The following SNX9 variants were observed in gnomAD, a reference collection of about 807,000 sequenced individuals.
SNX9 encodes the protein sorting nexin-9.
Under a neutral mutation model 89.4 loss-of-function variants are expected in SNX9, and 44 were observed. The observed-to-expected ratio is 0.49, with a 90% confidence interval of 0.39 to 0.63. The LOEUF is 0.63. Ranked by LOEUF, SNX9 falls within the 30% of genes least tolerant of loss-of-function variation. The probability of loss-of-function intolerance (pLI) is 0.00; values close to 1 mark genes in which losing one functional copy is unlikely to be tolerated. For synonymous variants in SNX9, 236 were observed against 247.8 expected (o/e 0.95, Z 0.45); for missense variants, 578 against 736.1 (o/e 0.79, Z 2.49).
At position 157,845,624 on chromosome 6, in the gene SNX9, A is replaced by G. The variant is rs531775897; in HGVS notation, c.13-21923A>G. 4.6e-5 allele frequency among the ~76,000 whole-genome samples: 7 copies of G among 152,344 alleles called. No homozygotes were observed. The South Asian group carries it at 1.0e-3, about 23-fold the overall frequency. ...ATGGTGGGGTCAGAATTTCCTGTGT[A>G]TACTAGAGAGTATCCTGCAAAATGC... On this transcript the variant is annotated intron_variant, in intron 1 of 17. Transcript: ENST00000392185.
chr6:157,862,942 G>C (rs1198555953), intron 1 of SNX9, among the ~76,000 whole-genome samples: 3 of 152,142 alleles, frequency 2.0e-5, no homozygotes, highest in African/African-American at 2.4e-5. Context: ...AGATACATTG[G>C]CTCCAGTAAC....
chr6:157,862,677 G>T (rs1278767353), intron 1 of SNX9, among the ~76,000 whole-genome samples: 1 of 151,988 alleles, frequency 6.6e-6, no homozygotes, highest in Admixed American at 6.6e-5. Context: ...TATTGCCAGG[G>T]TTTTGTGAAT....
rs539365677 is a variant in SNX9 at position 157,930,348 on chromosome 6, T to C, written c.1288+1646T>C. ...TATAGAATTAGCCCTGAGAAAATAA[T>C]GTATACAAATGCAGCATCTAGAAAA... On this transcript the variant is annotated intron_variant, in intron 12 of 17. Coordinates refer to ENST00000392185, the MANE Select transcript of SNX9 (RefSeq NM_016224.5). Among the ~76,000 whole-genome samples, 40 of 152,266 alleles carry C rather than the reference T, an allele frequency of 2.6e-4. 1 individual carries two copies. The South Asian group carries it at 7.9e-3, about 30-fold the overall frequency.
intron 15 of SNX9, 115 bp downstream of exon 15, chr6:157,937,638 C>T: frequency 1.4e-6 from 1 of 725,554 alleles, no homozygotes; most frequent in South Asian, 2.0e-5. Context: ...ATCTATAATT[C>T]CCATTAGAAA....
At chr6:157,936,171 T>A (rs993303236) in intron 14 of SNX9, 131 bp downstream of exon 14, 26 of 634,204 alleles carry the variant, frequency 4.1e-5, no homozygotes, top group Non-Finnish European at 6.3e-5. Context: ...GTATCTTTTT[T>A]AATTGTGTTT....
At chr6:157,856,179 G>A (rs1782008099) in intron 1 of SNX9, among the ~76,000 whole-genome samples, 1 of 152,210 alleles carries the variant, frequency 6.6e-6, no homozygotes, top group Non-Finnish European at 1.5e-5. Context: ...CTCCTCTACT[G>A]CAAGAGTATT....
chr6:157,852,027 T>C (rs1468332471), intron 1 of SNX9, among the ~76,000 whole-genome samples: 1 of 152,252 alleles, frequency 6.6e-6, no homozygotes, highest in South Asian at 2.1e-4. Context: ...CATCCGTTGA[T>C]GGACATTTGA....
In SNX9 at chr6:157,936,011, G is replaced by A. The variant is rs758003397; in HGVS notation, c.1414G>A (p.Glu472Lys). 1.2e-6 allele frequency: 2 copies of A among 1,612,630 alleles called. No individual in the cohort carries two copies. The highest frequency in any genetic ancestry group is 2.2e-5 in the East Asian group (1 of 44,826). Residue 472 changes from glutamate to lysine, a missense_variant, in exon 14 of 18, where the codon GAA becomes AAA. Glu to Lys is a moderately conservative substitution (Grantham distance 56). Coordinates refer to ENST00000392185, the MANE Select transcript of SNX9 (RefSeq NM_016224.5). Reference sequence around the variant, plus strand: ...AATAACAGAAGCAGGAAAGACTTATGAAGAAATTGCCAGTCTCGTGGCAGA... The same window carrying A: ...AATAACAGAAGCAGGAAAGACTTATAAAGAAATTGCCAGTCTCGTGGCAGA... The part of the protein sequence containing the change: ...DAITEAGKTY[E>K]EIASLVAEQP...
rs376191609 is a variant in SNX9 at position 157,875,105 on chromosome 6, C to G, written c.229C>G (p.Gln77Glu). The G allele has an allele frequency of 6.2e-7, 1 of 1,613,780 alleles. No individual in the cohort carries two copies. Among genetic ancestry groups the G allele is most frequent in the African/African-American group, 1.3e-5 (1 of 74,868 alleles). ...QFSCGNSVADQAFLDSLSAST... is the reference protein window; with the variant it reads ...QFSCGNSVADEAFLDSLSAST... ...TTCTTGTGGAAATTCAGTGGCTGACCAAGCCTTCCTTGATTCTCTCTCAGC... is the reference window on the plus strand; with the variant it reads ...TTCTTGTGGAAATTCAGTGGCTGACGAAGCCTTCCTTGATTCTCTCTCAGC... Residue 77 changes from glutamine to glutamate, a missense_variant, in exon 4 of 18, where the codon CAA becomes GAA. Physicochemically the swap from Gln to Glu is conservative, Grantham distance 29. Around this residue, in one of 2 missense-constraint regions of SNX9, gnomAD observed 230 missense variants for 244.7 expected, o/e 0.94. Coordinates refer to ENST00000392185, the MANE Select transcript of SNX9 (RefSeq NM_016224.5).
At chr6:157,941,019 G>T in intron 17 of SNX9, 45 bp downstream of exon 17, 1 of 1,517,994 alleles carries the variant, frequency 6.6e-7, no homozygotes, top group Non-Finnish European at 9.2e-7. Flanking sequence ...TGAGGAGAGG[G>T]TTCCTGGTAA....
intron 1 of SNX9, among the ~76,000 whole-genome samples, chr6:157,824,892 A>C (rs1009102578): frequency 2.0e-5 from 3 of 152,214 alleles, no homozygotes; most frequent in African/African-American, 7.2e-5. Flanking sequence ...GTTTGTTGCC[A>C]GACATTCCAG....
chr6:157,927,907 T>C (rs1783729139), intron 11 of SNX9, among the ~76,000 whole-genome samples: 1 of 150,582 alleles, frequency 6.6e-6, no homozygotes, highest in African/African-American at 2.5e-5. Context: ...ATTGCGTATG[T>C]GTTACCAAAA....
At chr6:157,874,804 GAA>G in intron 3 of SNX9, 1 of 339,220 alleles carries the variant, frequency 2.9e-6, no homozygotes, top group Non-Finnish European at 5.3e-6. Flanking sequence ...CTTAGAGATT[GAA>G]CAATCCACTT....
rs554691605 is a variant in SNX9, at chr6:157,914,513, G to A, written c.949+4488G>A. Among the ~76,000 whole-genome samples the A allele has an allele frequency of 2.3e-4, 26 of 115,320 alleles. No homozygotes were observed. In the South Asian group the frequency reaches 5.2e-3, roughly 23 times the overall value. 75.7% of individuals were successfully genotyped at this position (115,320 alleles called of 152,430 possible). Reference sequence around the variant, plus strand: ...TTTTTGGAGACAGGGTCTCACTGTCGTCGCCCAGGCTGGAGTGCAGTGGCA... The same window carrying A: ...TTTTTGGAGACAGGGTCTCACTGTCATCGCCCAGGCTGGAGTGCAGTGGCA... On this transcript the variant is annotated intron_variant, in intron 9 of 17. Transcript: ENST00000392185.
At chr6:157,926,479 T>C (rs1286170836) in intron 10 of SNX9, among the ~76,000 whole-genome samples, 1 of 152,148 alleles carries the variant, frequency 6.6e-6, no homozygotes, top group East Asian at 1.9e-4. Context: ...TTTGAGGCAC[T>C]AGGTCAGAAT....
chr6:157,866,293 T>G (rs1782259418), intron 1 of SNX9, among the ~76,000 whole-genome samples: 1 of 152,120 alleles, frequency 6.6e-6, no homozygotes, highest in African/African-American at 2.4e-5. Flanking sequence ...AAATAAAAAT[T>G]TCATTTAGGG....
chr6:157,940,295 G>A (rs11966413), intron 16 of SNX9, among the ~76,000 whole-genome samples: 3,814 of 152,278 alleles, frequency 0.025, 151 homozygotes, highest in African/African-American at 0.086. Context: ...CTATTTGATC[G>A]ATTCTGTTAG....
At chr6:157,878,491 G>A (rs200706308) in intron 4 of SNX9, among the ~76,000 whole-genome samples, 2 of 150,372 alleles carry the variant, frequency 1.3e-5, no homozygotes, top group African/African-American at 4.9e-5. Context: ...GTGCAGTGGC[G>A]TGATGTCAGC....
intron 4 of SNX9, among the ~76,000 whole-genome samples, chr6:157,877,243 G>A (rs1244982882): frequency 6.9e-6 from 1 of 144,206 alleles, no homozygotes; most frequent in Non-Finnish European, 1.5e-5. Context: ...AATTTGTTTC[G>A]TTTAGGTTAT....
Sources: allele counts gnomAD v4.1 joint callset (sites outside exome capture counted in the v4.1 genomes callset), GRCh38; gene constraint gnomAD v4.1.1; regional missense constraint gnomAD v4.1.1; transcripts MANE v1.5; gene names NCBI Gene and HGNC (gene_info 2026-07-23, HGNC 2026-07-21).